The following ZNF570 variants were observed in gnomAD, a reference collection of about 807,000 sequenced individuals.
ZNF570 encodes zinc finger protein 570.
In ZNF570, 8 loss-of-function variants were observed where a neutral mutation model predicts 14.2. The ratio of observed to expected loss-of-function variants is 0.56; its 90% CI spans 0.33 to 1.02. The LOEUF is 1.02. Ranked by LOEUF, ZNF570 falls within the 50% of genes least tolerant of loss-of-function variation. ZNF570 has a pLI of 0.03. For missense variants in ZNF570, 559 were observed against 624.9 expected, an observed-to-expected ratio of 0.89 and a Z score of 1.12; for synonymous variants, 202 against 207.6, an observed-to-expected ratio of 0.97 and a Z score of 0.23.
In ZNF570 at chr19:37,487,366, G is replaced by A. The variant is rs2042167136; in HGVS notation, c.*2133G>A. ...AAATTGAAATCAAAAGGGGATTAAGGGAAGAAAACAGATAGATACACAAAT... is the reference window on the plus strand; with the variant it reads ...AAATTGAAATCAAAAGGGGATTAAGAGAAGAAAACAGATAGATACACAAAT... On this transcript the variant is annotated 3_prime_UTR_variant, in exon 5 of 5. Coordinates refer to ENST00000330173, the MANE Select transcript of ZNF570 (RefSeq NM_144694.5). 7.3e-6 allele frequency: 1 copy of A among 136,364 alleles called. No homozygotes were observed. The highest frequency in any genetic ancestry group is 3.2e-5 in the African/African-American group (1 of 31,410). The allele number at this position is 136,364 out of a possible 1,614,324, so 8.4% of individuals were successfully genotyped here.
At chr19:37,468,037 C>T (rs1449575262), upstream of ZNF570, 5 of 1,012,416 alleles carry the variant, frequency 4.9e-6, no homozygotes, top group Non-Finnish European at 7.4e-6. Context: ...TGTGTCATCT[C>T]AGACTAGGTA....
In ZNF570 at chr19:37,482,628, C is replaced by G. The variant is rs541966556; in HGVS notation, c.257-1251C>G. Among the ~76,000 whole-genome samples, 3 of 152,282 alleles carry G rather than the reference C, an allele frequency of 2.0e-5. No individual in the cohort carries two copies. The South Asian group carries it at 6.2e-4, about 32-fold the overall frequency. Reference sequence around the variant, plus strand: ...ACGAGATTTGGATGGAGCTGTATTACCATCTGTTACGGTTTGGCTCTGGAT... The same window carrying G: ...ACGAGATTTGGATGGAGCTGTATTAGCATCTGTTACGGTTTGGCTCTGGAT... On this transcript the variant is annotated intron_variant, in intron 4 of 4. Coordinates refer to ENST00000330173, the MANE Select transcript of ZNF570 (RefSeq NM_144694.5).
At chr19:37,469,254 A>G, upstream of ZNF570, 3 of 1,390,260 alleles carry the variant, frequency 2.2e-6, no homozygotes, top group South Asian at 1.6e-5. Context: ...AGACACTGCG[A>G]CGCCGCGACC....
intron 2 of ZNF570, among the ~76,000 whole-genome samples, chr19:37,470,695 C>CTTTTTTT (rs760686313): frequency 5.1e-4 from 47 of 92,984 alleles, no homozygotes; most frequent in East Asian, 6.7e-4. Context: ...CTTATTTATT[C>CTTTTTTT]TTTTTTTTTT....
At chr19:37,471,482 G>A (rs186740730) in intron 2 of ZNF570, among the ~76,000 whole-genome samples, 90 of 152,204 alleles carry the variant, frequency 5.9e-4, no homozygotes, top group African/African-American at 2.1e-3. Context: ...GGGTGTCGCA[G>A]GTCTTAGTCC....
chr19:37,485,397 G>T lies in ZNF570; in HGVS notation c.*164G>T. On this transcript the variant is annotated 3_prime_UTR_variant, in exon 5 of 5. Transcript: ENST00000330173. ...TCCATTTCCCACAATGCACTCAAACGGATCTTTTTTTTCTTTTTTTTTCTT... is the reference window on the plus strand; with the variant it reads ...TCCATTTCCCACAATGCACTCAAACTGATCTTTTTTTTCTTTTTTTTTCTT... 1.5e-6 allele frequency: 1 copy of T among 665,586 alleles called. No homozygotes were observed. The highest frequency in any genetic ancestry group is 2.3e-6 in the Non-Finnish European group (1 of 440,936). 41.2% of individuals were successfully genotyped at this position (665,586 alleles called of 1,614,324 possible).
chr19:37,472,757 A>AG (rs1366089018), intron 2 of ZNF570, among the ~76,000 whole-genome samples: 1 of 151,846 alleles, frequency 6.6e-6, no homozygotes, highest in African/African-American at 2.4e-5. Context: ...AAAAAAAAAA[A>AG]AAAGAAGGAA....
chr19:37,480,251 C>T (rs541451829), intron 4 of ZNF570, among the ~76,000 whole-genome samples: 42 of 152,218 alleles, frequency 2.8e-4, no homozygotes, highest in African/African-American at 8.4e-4. Context: ...TTTGGGAGGC[C>T]GAGGCGGGTG....
intron 4 of ZNF570, among the ~76,000 whole-genome samples, chr19:37,477,117 A>T (rs898594923): frequency 2.0e-5 from 3 of 151,994 alleles, no homozygotes; most frequent in African/African-American, 7.3e-5. Flanking sequence ...ATCAAAATAG[A>T]GCTGAGGTAG....
At chr19:37,476,651 T>C (rs577496238) in intron 4 of ZNF570, among the ~76,000 whole-genome samples, 101 of 151,550 alleles carry the variant, frequency 6.7e-4, no homozygotes, top group African/African-American at 2.3e-3. Context: ...TCCCATCCCC[T>C]CTCAGTTTCA....
rs71177457 is a variant in ZNF570 at position 37,477,288 on chromosome 19, CGTGTGTGTGTGTGT to C, written c.256+885_256+898del. 3.9e-4 allele frequency among the ~76,000 whole-genome samples: 45 copies of C among 115,466 alleles called. 1 individual carries two copies. Among genetic ancestry groups the C allele is most frequent in the African/African-American group, 1.1e-3 (34 of 29,648 alleles). The allele number at this position is 115,466 out of a possible 152,430, so 75.8% of individuals were successfully genotyped here. On this transcript the variant is annotated intron_variant, in intron 4 of 4. Transcript: ENST00000330173. Reference sequence around the variant, plus strand: ...AGGTGCTCATTGTGGGGGAGGTTGTCGTGTGTGTGTGTGTGTGTGTGTGTGTGTGTGTGTGTGTG... The same window carrying C: ...AGGTGCTCATTGTGGGGGAGGTTGTCGTGTGTGTGTGTGTGTGTGTGTGTG...
chr19:37,473,462 A>G (rs2041991260), intron 2 of ZNF570, among the ~76,000 whole-genome samples: 1 of 152,096 alleles, frequency 6.6e-6, no homozygotes, highest in Non-Finnish European at 1.5e-5. Flanking sequence ...GGAACAGTGA[A>G]AAAGTGGCAA....
chr19:37,474,546 G>C (rs1165045131), intron 2 of ZNF570, among the ~76,000 whole-genome samples: 1 of 152,078 alleles, frequency 6.6e-6, no homozygotes, highest in African/African-American at 2.4e-5. Flanking sequence ...CGCAACCTCT[G>C]CCTCCCGGAT....
At chr19:37,470,178 C>A in intron 1 of ZNF570, 126 bp from the exon 2 acceptor site, 1 of 765,330 alleles carries the variant, frequency 1.3e-6, no homozygotes, top group Non-Finnish European at 2.1e-6. Flanking sequence ...TCCTAGGTCT[C>A]CATTATGCTC....
At position 37,484,429 on chromosome 19, in the gene ZNF570, T is replaced by G. The variant is rs1178094202; in HGVS notation, c.807T>G (p.Thr269=). 6.2e-7 allele frequency: 1 copy of G among 1,614,046 alleles called. No individual in the cohort carries two copies. Among genetic ancestry groups the G allele is most frequent in the Non-Finnish European group, 8.5e-7 (1 of 1,179,980 alleles). ...TTGTTCAACATCAGAGGATTCATAC[T>G]GGAGAAAAACCCTATGAATGTAAGG... The part of the protein sequence containing the change: ...SNLVQHQRIH[T]GEKPYECKEC... Residue 269 remains threonine (T), a synonymous_variant, in exon 5 of 5, where the codon ACT becomes ACG. Transcript: ENST00000330173.
Position 37,475,955 on chromosome 19 carries a change from A to C in ZNF570, c.108A>C (p.Arg36Ser). 2 of 1,614,050 alleles carry C rather than the reference A, an allele frequency of 1.2e-6. No individual in the cohort carries two copies. Among genetic ancestry groups the C allele is most frequent in the Non-Finnish European group, 8.5e-7 (1 of 1,179,944 alleles). The stretch of plus-strand genomic sequence containing the variant: ...GGGATTGTCTGGATTCTTCTCAAAG[A>C]CATCTGTACAGTAATGTGATGCTAG... ...EEWDCLDSSQRHLYSNVMLEN... is the reference protein window; with the variant it reads ...EEWDCLDSSQSHLYSNVMLEN... The change falls in exon 3 of 5, where the codon AGA (arginine) becomes AGC (serine). Residue 36 changes from arginine (R) to serine (S), a missense_variant. Coordinates refer to ENST00000330173, the MANE Select transcript of ZNF570 (RefSeq NM_144694.5).
At chr19:37,467,918 T>C, upstream of ZNF570, 1 of 1,536,170 alleles carries the variant, frequency 6.5e-7, no homozygotes, top group Non-Finnish European at 8.7e-7. Flanking sequence ...CTTTCTGGAC[T>C]TCTCGATTGT....
chr19:37,481,463 T>A (rs1377127697), intron 4 of ZNF570, among the ~76,000 whole-genome samples: 1 of 152,180 alleles, frequency 6.6e-6, no homozygotes, highest in East Asian at 1.9e-4. Flanking sequence ...ACAGATTATT[T>A]TTATGAGTGC....
intron 4 of ZNF570, among the ~76,000 whole-genome samples, 189 bp from the exon 5 acceptor site, chr19:37,483,689 AT>A (rs1379764670): frequency 1.3e-5 from 2 of 152,130 alleles, no homozygotes; most frequent in Admixed American, 1.3e-4. Context: ...TATAATTCTA[AT>A]CATTCCTTCT....
Sources: gnomAD v4.1 joint callset for allele counts (sites outside exome capture counted in the v4.1 genomes callset) on GRCh38, gnomAD v4.1.1 for gene constraint, MANE v1.5 for transcripts, NCBI Gene and HGNC (gene_info 2026-07-23, HGNC 2026-07-21) for gene names.